The following CA8 variants were observed in gnomAD, a reference collection of about 807,000 sequenced individuals.
The protein encoded by CA8 is carbonic anhydrase-related protein.
In CA8, 22 loss-of-function variants were observed where a neutral mutation model predicts 41.4. The observed-to-expected ratio is 0.53, with a 90% CI of 0.38 to 0.76. CA8 has a LOEUF of 0.76. Ranked by LOEUF, CA8 falls within the 30% of genes least tolerant of loss-of-function variation. The pLI is 0.00. For missense variants in CA8, 270 were observed against 352.8 expected, an observed-to-expected ratio of 0.77 and a Z score of 1.88; for synonymous variants, 121 against 130.6, an observed-to-expected ratio of 0.93 and a Z score of 0.50.
Position 60,251,156 on chromosome 8 carries a change from T to C in CA8, c.417+14769A>G, listed in dbSNP as rs74473563. ...TGGCATTTGAACACAGATTCAAAGA[T>C]GCTAAAGAAGTAAGCCATGTGGCTA... On this transcript the variant is annotated intron_variant, in intron 3 of 8. Coordinates refer to ENST00000317995, the MANE Select transcript of CA8 (RefSeq NM_004056.6). Among the ~76,000 whole-genome samples, 607 of 152,310 alleles carry C rather than the reference T, an allele frequency of 4.0e-3. 8 individuals carry two copies. The highest frequency in any genetic ancestry group is 0.014 in the African/African-American group (576 of 41,562).
At chr8:60,248,162 G>C (rs899741147) in intron 3 of CA8, among the ~76,000 whole-genome samples, 1 of 151,920 alleles carries the variant, frequency 6.6e-6, no homozygotes, top group Non-Finnish European at 1.5e-5. Flanking sequence ...GACCTTGTCA[G>C]ATGGGCAGAT....
intron 3 of CA8, among the ~76,000 whole-genome samples, chr8:60,246,656 C>T (rs1428567764): frequency 6.6e-6 from 1 of 152,140 alleles, no homozygotes; most frequent in East Asian, 1.9e-4. Flanking sequence ...TGTATATGTA[C>T]TTACTGAGAA....
In CA8 at chr8:60,263,399, T is replaced by C. The variant is rs1297122004; in HGVS notation, c.417+2526A>G. 2.6e-5 allele frequency among the ~76,000 whole-genome samples: 4 copies of C among 151,720 alleles called. No individual in the cohort carries two copies. In the South Asian group the frequency reaches 6.2e-4, roughly 24 times the overall value. ...TAAGTATTTGCTTATAGTGTCTGTC[T>C]GTCTAACAAGCCAGCCATTTAATTT... On this transcript the variant is annotated intron_variant, in intron 3 of 8. Transcript: ENST00000317995.
chr8:60,212,827 A>G (rs1806883994), intron 7 of CA8, among the ~76,000 whole-genome samples: 1 of 152,180 alleles, frequency 6.6e-6, no homozygotes, highest in Non-Finnish European at 1.5e-5. Context: ...TTTAACAACA[A>G]AGGACATGGG....
chr8:60,207,761 T>C (rs1806681253), intron 8 of CA8, among the ~76,000 whole-genome samples: 1 of 152,198 alleles, frequency 6.6e-6, no homozygotes, highest in Non-Finnish European at 1.5e-5. Flanking sequence ...TTTTGTTTTG[T>C]TTCATTTTGT....
intron 3 of CA8, among the ~76,000 whole-genome samples, chr8:60,257,364 T>G (rs1202712578): frequency 6.6e-6 from 1 of 152,138 alleles, no homozygotes; most frequent in Non-Finnish European, 1.5e-5. Flanking sequence ...GTTCCCCATC[T>G]CCTCCTAAAA....
chr8:60,249,464 A>G (rs1439504228), intron 3 of CA8, among the ~76,000 whole-genome samples: 1 of 152,230 alleles, frequency 6.6e-6, no homozygotes, highest in Non-Finnish European at 1.5e-5. Context: ...CTGGGTACTT[A>G]TATCAAATCC....
At chr8:60,228,679 G>GA (rs1271869380) in intron 4 of CA8, among the ~76,000 whole-genome samples, 1 of 152,170 alleles carries the variant, frequency 6.6e-6, no homozygotes, top group Non-Finnish European at 1.5e-5. Context: ...TTGAAGATAA[G>GA]ATTAAATCAA....
intron 3 of CA8, among the ~76,000 whole-genome samples, chr8:60,255,538 C>T (rs1470448319): frequency 1.3e-5 from 2 of 152,208 alleles, no homozygotes; most frequent in Admixed American, 1.3e-4. Context: ...AATAAACTCT[C>T]ATCCAGAGGT....
At chr8:60,194,342 G>A (rs1806218192) in intron 8 of CA8, among the ~76,000 whole-genome samples, 1 of 152,144 alleles carries the variant, frequency 6.6e-6, no homozygotes, top group Non-Finnish European at 1.5e-5. Context: ...GCACCGTGGA[G>A]GCCTCTTTAT....
chr8:60,273,430 A>C (rs1300205212), intron 2 of CA8, among the ~76,000 whole-genome samples: 4 of 152,332 alleles, frequency 2.6e-5, no homozygotes, highest in African/African-American at 9.6e-5. Flanking sequence ...ATGGGAGGCT[A>C]CACTGGCCCA....
At chr8:60,219,006 G>A (rs1411912729) in intron 7 of CA8, among the ~76,000 whole-genome samples, 6 of 151,774 alleles carry the variant, frequency 4.0e-5, no homozygotes, top group South Asian at 2.1e-4. Context: ...TGCATTGCAC[G>A]GGGTCCTACC....
At chr8:60,225,115 G>A (rs1466260399) in intron 5 of CA8, among the ~76,000 whole-genome samples, 3 of 152,002 alleles carry the variant, frequency 2.0e-5, no homozygotes, top group Non-Finnish European at 4.4e-5. Context: ...GATATAGATG[G>A]AAATATTCTG....
intron 3 of CA8, among the ~76,000 whole-genome samples, chr8:60,239,020 A>C (rs1398398693): frequency 6.6e-6 from 1 of 152,214 alleles, no homozygotes; most frequent in Non-Finnish European, 1.5e-5. Flanking sequence ...ACAGACAGGA[A>C]GAAAAAGGAA....
At chr8:60,245,767 G>C (rs1015357211) in intron 3 of CA8, among the ~76,000 whole-genome samples, 1 of 152,082 alleles carries the variant, frequency 6.6e-6, no homozygotes, top group African/African-American at 2.4e-5. Context: ...TTTTCAAAAA[G>C]GTCAATTAGG....
At position 60,189,286 on chromosome 8, in the gene CA8, T is replaced by C. The variant is rs949469668; in HGVS notation, c.*735A>G. On this transcript the variant is annotated 3_prime_UTR_variant, in exon 9 of 9. Transcript: ENST00000317995. The stretch of plus-strand genomic sequence containing the variant: ...TGGTACATGGTGCTGACCTTCTTTT[T>C]ATCCTATTTCTTACACCTTTCTCAA... 1 of 152,174 alleles carries C rather than the reference T, an allele frequency of 6.6e-6. No individual in the cohort carries two copies. Among genetic ancestry groups the C allele is most frequent in the Non-Finnish European group, 1.5e-5 (1 of 68,012 alleles). The allele number at this position is 152,174 out of a possible 1,614,324, so 9.4% of individuals were successfully genotyped here.
At chr8:60,210,588 G>T (rs938245636) in intron 7 of CA8, among the ~76,000 whole-genome samples, 2 of 151,546 alleles carry the variant, frequency 1.3e-5, no homozygotes, top group East Asian at 3.9e-4. Flanking sequence ...ATTAGAATCC[G>T]GGTCAGAAAG....
At chr8:60,224,488 A>C (rs1192696715) in intron 6 of CA8, 49 bp downstream of exon 6, 2 of 1,038,714 alleles carry the variant, frequency 1.9e-6, no homozygotes, top group Non-Finnish European at 3.0e-6. Flanking sequence ...AAACAATGTG[A>C]CTATAGCCAC....
chr8:60,239,916 C>A (rs1245070360), intron 3 of CA8, among the ~76,000 whole-genome samples: 1 of 152,210 alleles, frequency 6.6e-6, no homozygotes, highest in Non-Finnish European at 1.5e-5. Flanking sequence ...ATTGTGAGGC[C>A]TCCTCAGCCA....
Sources: allele counts gnomAD v4.1 joint callset (sites outside exome capture counted in the v4.1 genomes callset), GRCh38; gene constraint gnomAD v4.1.1; transcripts MANE v1.5; gene names NCBI Gene and HGNC (gene_info 2026-07-23, HGNC 2026-07-21).